The following COL4A1 variants were observed in gnomAD, a reference collection of about 807,000 sequenced individuals.
COL4A1 encodes collagen type IV alpha 1 chain, also known as collagen alpha-1(IV) chain.
A neutral mutation model predicts 216.6 loss-of-function variants in COL4A1; 40 were observed. The observed-to-expected ratio is 0.18, with a 90% CI of 0.14 to 0.24. The LOEUF (loss-of-function observed/expected upper bound fraction) is 0.24, where lower values mean the gene tolerates loss of function less well. COL4A1 is among the 10% of genes least tolerant of loss of function. The probability of loss-of-function intolerance (pLI) is 1.00; values close to 1 mark genes in which losing one functional copy is unlikely to be tolerated. For missense variants in COL4A1, 1,628 were observed against 2,196.8 expected (o/e 0.74, Z 5.18); for synonymous variants, 839 against 810.7 (o/e 1.03, Z -0.59).
chr13:110,253,705 T>C (rs1214936232), intron 1 of COL4A1, among the ~76,000 whole-genome samples: 1 of 143,826 alleles, frequency 7.0e-6, no homozygotes, highest in East Asian at 2.0e-4. Context: ...ATTATACGTA[T>C]GTATTACATA....
Position 110,161,375 on chromosome 13 carries a change from C to T in COL4A1, c.4463-6G>A, listed in dbSNP as rs1353504090. The T allele has an allele frequency of 1.2e-5, 19 of 1,606,294 alleles. No individual in the cohort carries two copies. Among genetic ancestry groups the T allele is most frequent in the Non-Finnish European group, 1.6e-5 (19 of 1,175,806 alleles). On this transcript the variant is annotated splice_region_variant and splice_polypyrimidine_tract_variant and intron_variant, in intron 48 of 51. Transcript: ENST00000375820. Reference sequence around the variant, plus strand: ...CAGGCAGCTGCCGGCCGTGCCTAGACAAGGAAGAAGACAATGTGAGATGTT... The same window carrying T: ...CAGGCAGCTGCCGGCCGTGCCTAGATAAGGAAGAAGACAATGTGAGATGTT...
intron 17 of COL4A1, among the ~76,000 whole-genome samples, chr13:110,205,083 T>C (rs1258708529): frequency 6.6e-6 from 1 of 152,228 alleles, no homozygotes; most frequent in Admixed American, 6.5e-5. Context: ...GATATCTTTC[T>C]GTATTTTCTA....
intron 1 of COL4A1, among the ~76,000 whole-genome samples, chr13:110,247,509 T>C (rs1190702612): frequency 6.6e-6 from 1 of 152,152 alleles, no homozygotes; most frequent in African/African-American, 2.4e-5. Flanking sequence ...AGATCCACCA[T>C]CAGTATTCAC....
intron 37 of COL4A1, 31 bp downstream of exon 37, chr13:110,175,187 A>C: frequency 6.2e-7 from 1 of 1,613,816 alleles, no homozygotes; most frequent in Non-Finnish European, 8.5e-7. Context: ...AGCTGGGAGA[A>C]GGGGACCTTT....
chr13:110,181,171 C>A (rs1878134068), intron 29 of COL4A1, 121 bp downstream of exon 29: 1 of 870,772 alleles, frequency 1.1e-6, no homozygotes. Context: ...TATGTTATTT[C>A]ATCAAAAACA....
chr13:110,284,591 C>T (rs1354420226), intron 1 of COL4A1, among the ~76,000 whole-genome samples: 1 of 152,222 alleles, frequency 6.6e-6, no homozygotes, highest in Non-Finnish European at 1.5e-5. Context: ...AGAAGTAGCA[C>T]ATGATTAATG....
At position 110,177,022 on chromosome 13, in the gene COL4A1, G is replaced by A. The variant is rs778143775; in HGVS notation, c.2732C>T (p.Pro911Leu). The A allele has an allele frequency of 1.2e-5, 20 of 1,613,862 alleles. No homozygotes were observed. The highest frequency in any genetic ancestry group is 2.2e-5 in the East Asian group (1 of 44,876). The change falls in exon 34 of 52, where the codon CCG becomes CTG. Residue 911 changes from proline to leucine, a missense_variant. This residue lies in a region of COL4A1 where 701 missense variants were observed against 892.5 expected (regional missense o/e 0.79). Coordinates refer to ENST00000375820, the MANE Select transcript of COL4A1 (RefSeq NM_001845.6). Reference sequence around the variant, plus strand: ...GTCTCCCCTGGGTCCTGAGGAGCCCGGAAAGCCATGGTCCCCTGCAGAGGA... The same window carrying A: ...GTCTCCCCTGGGTCCTGAGGAGCCCAGAAAGCCATGGTCCCCTGCAGAGGA... ...LPGEKGDHGF[P>L]GSSGPRGDPG...
intron 19 of COL4A1, among the ~76,000 whole-genome samples, chr13:110,201,224 G>A (rs779799510): frequency 1.5e-5 from 2 of 131,890 alleles, no homozygotes; most frequent in Admixed American, 7.8e-5. Context: ...AATAGAAAGC[G>A]TGGGGAGAGA....
chr13:110,186,895 C>T (rs1878428994), intron 25 of COL4A1, among the ~76,000 whole-genome samples: 1 of 152,230 alleles, frequency 6.6e-6, no homozygotes, highest in East Asian at 1.9e-4. Context: ...CACATCTGTT[C>T]AGTTCCCCCA....
Position 110,187,134 on chromosome 13 carries a change from A to G in COL4A1, c.1728+4T>C. 6.2e-7 allele frequency: 1 copy of G among 1,614,004 alleles called. No individual in the cohort carries two copies. The highest frequency in any genetic ancestry group is 2.2e-5 in the East Asian group (1 of 44,882). ...GCACATTCAAAGTCTGGAGATAAAC[A>G]TACCGGCGAGCCCTTGGGGCCAGGA... On this transcript the variant is annotated splice_donor_region_variant and intron_variant, in intron 25 of 51. Transcript: ENST00000375820.
chr13:110,272,586 G>A (rs773540786), intron 1 of COL4A1, among the ~76,000 whole-genome samples: 4 of 152,128 alleles, frequency 2.6e-5, no homozygotes, highest in Admixed American at 6.6e-5. Context: ...GAAAAGGGGG[G>A]GAACTCTTCT....
intron 1 of COL4A1, among the ~76,000 whole-genome samples, chr13:110,263,055 G>A (rs934537354): frequency 6.6e-6 from 1 of 152,150 alleles, no homozygotes; most frequent in African/African-American, 2.4e-5. Context: ...AGGTCTAGCT[G>A]GCTGAACCCT....
chr13:110,205,521 A>G lies in COL4A1; in HGVS notation c.876T>C (p.Asp292=), dbSNP rs748917216. 1.9e-6 allele frequency: 3 copies of G among 1,613,894 alleles called. No homozygotes were observed. In the African/African-American group the frequency reaches 4.0e-5, roughly 22 times the overall value. ...GACTCCCTTTTTCCCCTTTGTCACC[A>G]TCTTTTCCGGGTTTGCCCTGTAGAA... ...KPGPRGKPGK[D]GDKGEKGSPG... is the part of the protein sequence containing the mutation. Residue 292 remains aspartate (D), a synonymous_variant, in exon 16 of 52, where the codon GAT becomes GAC. Transcript: ENST00000375820.
chr13:110,236,169 T>C (rs1881308039), intron 2 of COL4A1, among the ~76,000 whole-genome samples: 1 of 152,210 alleles, frequency 6.6e-6, no homozygotes, highest in Admixed American at 6.5e-5. Flanking sequence ...AAAACCAGCA[T>C]GCAAGCTCAA....
chr13:110,219,834 A>ATATATATGTG (rs1594594296), intron 2 of COL4A1, among the ~76,000 whole-genome samples: 1 of 112,778 alleles, frequency 8.9e-6, no homozygotes, highest in African/African-American at 3.2e-5. Flanking sequence ...ATATGTATGT[A>ATATATATGTG]TGTATATATG....
chr13:110,212,555 G>A lies in COL4A1; in HGVS notation c.324+19C>T. 1 of 1,614,180 alleles carries A rather than the reference G, an allele frequency of 6.2e-7. No homozygotes were observed. Among genetic ancestry groups the A allele is most frequent in the South Asian group, 1.1e-5 (1 of 91,082 alleles). ...AAGAATATTTCATAAAAGAAGTAGA[G>A]CACGTTTTCTATACATACGGGAAGT... On this transcript the variant is annotated intron_variant, in intron 5 of 51. Coordinates refer to ENST00000375820, the MANE Select transcript of COL4A1 (RefSeq NM_001845.6).
chr13:110,292,843 T>C (rs1190279009), intron 1 of COL4A1, among the ~76,000 whole-genome samples: 1 of 152,114 alleles, frequency 6.6e-6, no homozygotes, highest in Non-Finnish European at 1.5e-5. Context: ...AAGTCAATTA[T>C]CTCTATGTAA....
At chr13:110,182,003 C>A (rs1878180135) in intron 28 of COL4A1, among the ~76,000 whole-genome samples, 1 of 152,238 alleles carries the variant, frequency 6.6e-6, no homozygotes, top group Admixed American at 6.5e-5. Context: ...TTCTGTGAGG[C>A]TGCTGCACAG....
intron 21 of COL4A1, among the ~76,000 whole-genome samples, chr13:110,196,142 AG>A (rs1178157067): frequency 4.6e-5 from 7 of 152,236 alleles, no homozygotes; most frequent in African/African-American, 1.7e-4. Flanking sequence ...TCCGCTGTGT[AG>A]GAACTATGGG....
Sources: allele counts gnomAD v4.1 joint callset (sites outside exome capture counted in the v4.1 genomes callset), GRCh38; gene constraint gnomAD v4.1.1; regional missense constraint gnomAD v4.1.1; transcripts MANE v1.5; gene names NCBI Gene and HGNC (gene_info 2026-07-23, HGNC 2026-07-21).